LGSN: variants seen among roughly 807,000 people sequenced by gnomAD.
LGSN encodes the protein lengsin.
In LGSN, 21 loss-of-function variants were observed where a neutral mutation model predicts 19.5. That is an observed-to-expected ratio of 1.07 (90% CI 0.76 to 1.55). The LOEUF (loss-of-function observed/expected upper bound fraction) is 1.55, where lower values mean the gene tolerates loss of function less well. Among genes scored for constraint, LGSN ranks in the 40% most tolerant of loss-of-function variants. The pLI, the probability that LGSN is intolerant of heterozygous loss-of-function variation, is 0.00. For missense variants in LGSN, 673 were observed against 608.5 expected (o/e 1.11, Z -1.12); for synonymous variants, 257 against 215.6 (o/e 1.19, Z -1.68).
At chr6:63,471,989 T>A in the LGSN span, among the ~76,000 whole-genome samples, 1 of 152,234 alleles carries the variant, frequency 6.6e-6, no homozygotes, top group Admixed American at 6.5e-5. Flanking sequence ...ATCTCACTTC[T>A]GTTTTATCCA....
At chr6:63,462,617 C>T in the LGSN span, among the ~76,000 whole-genome samples, 1 of 152,116 alleles carries the variant, frequency 6.6e-6, no homozygotes, top group Non-Finnish European at 1.5e-5. Flanking sequence ...AAATATATTC[C>T]TAGATTTTGG....
chr6:63,466,680 G>T, the LGSN span, among the ~76,000 whole-genome samples: 1 of 152,174 alleles, frequency 6.6e-6, no homozygotes, highest in South Asian at 2.1e-4. Flanking sequence ...AGAAAGTAAA[G>T]TCAAGTATGA....
chr6:63,505,682 T>C, the LGSN span, among the ~76,000 whole-genome samples: 1 of 148,664 alleles, frequency 6.7e-6, no homozygotes, highest in Admixed American at 6.7e-5. Context: ...TTGTTTTGTT[T>C]TTTGTTTCGC....
At chr6:63,336,551 G>GTATA in the LGSN span, among the ~76,000 whole-genome samples, 24 of 139,952 alleles carry the variant, frequency 1.7e-4, no homozygotes, top group African/African-American at 6.5e-4. Flanking sequence ...GTGTGTGTGT[G>GTATA]TGTGTGTGTG....
chr6:63,429,350 A>C, the LGSN span, among the ~76,000 whole-genome samples: 116,545 of 152,064 alleles, frequency 0.77, 45,453 homozygotes, highest in African/African-American at 0.92. Context: ...TCTCCTCAGA[A>C]CAAATATAAA....
chr6:63,335,987 C>A, the LGSN span, among the ~76,000 whole-genome samples: 16 of 151,218 alleles, frequency 1.1e-4, no homozygotes, highest in Admixed American at 6.6e-4. Context: ...CACAGAAAGA[C>A]AAATATTGAA....
At chr6:63,365,294 G>A in the LGSN span, among the ~76,000 whole-genome samples, 3 of 152,274 alleles carry the variant, frequency 2.0e-5, no homozygotes, top group African/African-American at 7.2e-5. Context: ...TACCATCAGA[G>A]AATACTATAA....
chr6:63,309,465 TC>T (rs1359228744), intron 1 of LGSN, among the ~76,000 whole-genome samples: 4 of 152,162 alleles, frequency 2.6e-5, no homozygotes, highest in Non-Finnish European at 4.4e-5. Flanking sequence ...CCATTTTCCA[TC>T]TTTTGTCACC....
chr6:63,418,809 A>G, the LGSN span, among the ~76,000 whole-genome samples: 3 of 152,188 alleles, frequency 2.0e-5, no homozygotes, highest in Non-Finnish European at 2.9e-5. Context: ...GGAAAGGGGC[A>G]GCCTAGCAGG....
chr6:63,281,239 G>T lies in LGSN; in HGVS notation c.331-19C>A. ...CTTTCTCCTAAAGAAGGAAAAAAAT[G>T]AAGAAATTAGGTTTTGAAAACAAAC... On this transcript the variant is annotated intron_variant, in intron 3 of 3. Transcript: ENST00000370657. 2 of 1,437,742 alleles carry T rather than the reference G, an allele frequency of 1.4e-6. No homozygotes were observed. Among genetic ancestry groups the T allele is most frequent in the South Asian group, 1.7e-5 (1 of 57,962 alleles). The allele number at this position is 1,437,742 out of a possible 1,614,324, so 89.1% of individuals were successfully genotyped here.
the LGSN span, among the ~76,000 whole-genome samples, chr6:63,465,357 T>C: frequency 4.6e-5 from 7 of 152,194 alleles, no homozygotes; most frequent in East Asian, 1.9e-4. Context: ...AATCTTTGTA[T>C]TTTTAGTAGA....
chr6:63,284,249 C>T (rs139774453), intron 3 of LGSN, among the ~76,000 whole-genome samples: 6 of 152,074 alleles, frequency 3.9e-5, no homozygotes, highest in African/African-American at 1.4e-4. Context: ...ATAAATATAG[C>T]CATTGAGAAG....
chr6:63,412,394 AGAAG>A, the LGSN span, among the ~76,000 whole-genome samples: 1 of 138,784 alleles, frequency 7.2e-6, no homozygotes, highest in Non-Finnish European at 1.5e-5. Context: ...GAGAGATGAA[AGAAG>A]GAAAGAAAGA....
At chr6:63,456,385 A>ATATATATATT in the LGSN span, among the ~76,000 whole-genome samples, 1 of 43,024 alleles carries the variant, frequency 2.3e-5, no homozygotes, top group Non-Finnish European at 5.4e-5. Context: ...ATATATATAT[A>ATATATATATT]TATATATACT....
the LGSN span, among the ~76,000 whole-genome samples, chr6:63,505,609 G>GAA: frequency 9.2e-6 from 1 of 108,970 alleles, no homozygotes; most frequent in African/African-American, 3.1e-5. Context: ...AAGAAAGAAA[G>GAA]AAAGAAAGAA....
chr6:63,504,587 C>T, the LGSN span, among the ~76,000 whole-genome samples: 5 of 152,078 alleles, frequency 3.3e-5, no homozygotes, highest in African/African-American at 7.2e-5. Flanking sequence ...GGATTACAGG[C>T]GTGCACCACC....
intron 3 of LGSN, among the ~76,000 whole-genome samples, chr6:63,283,762 G>A (rs769918361): frequency 2.0e-5 from 3 of 151,868 alleles, no homozygotes. Flanking sequence ...GTGCAATGGC[G>A]CGATCTCGGC....
the LGSN span, among the ~76,000 whole-genome samples, chr6:63,465,401 C>T: frequency 6.6e-6 from 1 of 152,068 alleles, no homozygotes; most frequent in East Asian, 1.9e-4. Flanking sequence ...AGGCTGGTCT[C>T]GAACTCCTGA....
At chr6:63,543,265 G>A in the LGSN span, among the ~76,000 whole-genome samples, 1 of 152,164 alleles carries the variant, frequency 6.6e-6, no homozygotes, top group Non-Finnish European at 1.5e-5. Context: ...GGCATTCTGT[G>A]ATCATTCAGA....
Sources: gnomAD v4.1 joint callset for allele counts (sites outside exome capture counted in the v4.1 genomes callset) on GRCh38, gnomAD v4.1.1 for gene constraint, MANE v1.5 for transcripts, NCBI Gene and HGNC (gene_info 2026-07-23, HGNC 2026-07-21) for gene names.